PTPN5: variants seen among roughly 807,000 people sequenced by gnomAD.
The protein encoded by PTPN5 is protein tyrosine phosphatase non-receptor type 5.
Under a neutral mutation model 73.9 loss-of-function variants are expected in PTPN5, and 29 were observed. The ratio of observed to expected loss-of-function variants is 0.39; its 90% CI spans 0.29 to 0.54. The LOEUF (loss-of-function observed/expected upper bound fraction) is 0.54. Ranked by LOEUF, PTPN5 falls within the 20% of genes least tolerant of loss-of-function variation. The probability of loss-of-function intolerance (pLI) is 0.65; values close to 1 mark genes in which losing one functional copy is unlikely to be tolerated. For missense variants in PTPN5, 652 were observed against 751.4 expected (o/e 0.87, Z 1.55); for synonymous variants, 267 against 304.7 (o/e 0.88, Z 1.29).
rs768668571 is a variant in PTPN5 at position 18,744,054 on chromosome 11, G to T, written c.243C>A (p.Ser81=). The T allele has an allele frequency of 2.5e-6, 4 of 1,609,712 alleles. No homozygotes were observed. Among genetic ancestry groups the T allele is most frequent in the Non-Finnish European group, 3.4e-6 (4 of 1,178,102 alleles). The change falls in exon 4 of 15, where the codon TCC becomes TCA. Residue 81 remains serine (S), a synonymous_variant. Coordinates refer to ENST00000358540, the MANE Select transcript of PTPN5 (RefSeq NM_006906.2). The stretch of plus-strand genomic sequence containing the variant: ...GGCACAGGCTGCTCCTGACAGTGAG[G>T]GAGTGGCTCCCAGCGCCTCGAGGTG... The part of the protein sequence containing the change: ...KPPPRGAGSH[S]LTVRSSLCLF...
chr11:18,732,912 G>A (rs1848949838), intron 11 of PTPN5, among the ~76,000 whole-genome samples: 1 of 152,216 alleles, frequency 6.6e-6, no homozygotes, highest in South Asian at 2.1e-4. Context: ...CTACCCATCT[G>A]AAGGACTTTT....
At position 18,737,953 on chromosome 11, in the gene PTPN5, C is replaced by A; in HGVS notation, c.927G>T (p.Met309Ile). Residue 309 changes from methionine to isoleucine, a missense_variant, in exon 9 of 15, where the codon ATG (methionine) becomes ATT (isoleucine). Transcript: ENST00000358540. ...CGTACTCTTTCGGATCCACAAAGTTCATGGGGATTTCCTGTGGAAGGAGGA... is the reference window on the plus strand; with the variant it reads ...CGTACTCTTTCGGATCCACAAAGTTAATGGGGATTTCCTGTGGAAGGAGGA... ...LLQAEFFEIP[M>I]NFVDPKEYDI... 6.2e-7 allele frequency: 1 copy of A among 1,614,146 alleles called. No individual in the cohort carries two copies. The highest frequency in any genetic ancestry group is 8.5e-7 in the Non-Finnish European group (1 of 1,179,970).
At chr11:18,752,753 C>A (rs556494824) in intron 3 of PTPN5, among the ~76,000 whole-genome samples, 2 of 152,330 alleles carry the variant, frequency 1.3e-5, no homozygotes, top group Admixed American at 1.3e-4. Context: ...GGTGTTGCTT[C>A]CCCCAGCAGC....
chr11:18,781,784 CA>C lies in PTPN5; in HGVS notation c.-113-9714del, dbSNP rs532772665. Among the ~76,000 whole-genome samples the C allele has an allele frequency of 5.4e-3, 817 of 152,296 alleles. 8 individuals carry two copies. Among genetic ancestry groups the C allele is most frequent in the Non-Finnish European group, 9.6e-3 (650 of 68,038 alleles). On this transcript the variant is annotated intron_variant, in intron 1 of 14. Transcript: ENST00000358540. ...TAAGAGCCAGTCCCTGCCCTCCACCCAGCATTCGGCCTAGTGAGTTGAGTGA... is the reference window on the plus strand; with the variant it reads ...TAAGAGCCAGTCCCTGCCCTCCACCCGCATTCGGCCTAGTGAGTTGAGTGA...
rs777922301 is a variant in PTPN5 at position 18,742,355 on chromosome 11, A to G, written c.632T>C (p.Val211Ala). 11 of 1,614,106 alleles carry G rather than the reference A, an allele frequency of 6.8e-6. No individual in the cohort carries two copies. The South Asian group carries it at 1.2e-4, about 18-fold the overall frequency. Residue 211 changes from valine (V) to alanine (A), a missense_variant, in exon 7 of 15, where the codon GTG (valine) becomes GCG (alanine). This residue lies in a region of PTPN5 where 529 missense variants were observed against 573.9 expected (regional missense o/e 0.92). Coordinates refer to ENST00000358540, the MANE Select transcript of PTPN5 (RefSeq NM_006906.2). The surrounding 1 kb of genome is among the most constrained non-coding windows in gnomAD (Gnocchi z 4.1). Reference sequence around the variant, plus strand: ...ACAATCAAACACAGGAGTCTCGGGCACCGGGTCGAGGTCCAGGAAGTCATC... The same window carrying G: ...ACAATCAAACACAGGAGTCTCGGGCGCCGGGTCGAGGTCCAGGAAGTCATC... ...IEDDFLDLDP[V>A]PETPVFDCVM...
chr11:18,792,269 T>G (rs567251123), upstream of PTPN5: 2 of 151,994 alleles, frequency 1.3e-5, no homozygotes, highest in African/African-American at 2.4e-5. Context: ...GTCGGCTCAT[T>G]GGGGGCATGC....
intron 2 of PTPN5, among the ~76,000 whole-genome samples, chr11:18,771,400 A>G (rs1413660883): frequency 2.6e-5 from 4 of 151,820 alleles, no homozygotes; most frequent in African/African-American, 4.8e-5. Flanking sequence ...TCCACGGAGC[A>G]CTCCCTGATC....
chr11:18,774,611 C>T (rs1851058012), intron 1 of PTPN5, among the ~76,000 whole-genome samples: 1 of 152,358 alleles, frequency 6.6e-6, no homozygotes, highest in East Asian at 1.9e-4. Flanking sequence ...AGATTCTTTG[C>T]TGGCTTTGGC....
intron 1 of PTPN5, among the ~76,000 whole-genome samples, chr11:18,790,718 C>T (rs1176816089): frequency 6.6e-6 from 1 of 152,042 alleles, no homozygotes; most frequent in Non-Finnish European, 1.5e-5. Flanking sequence ...GGTTCTGGGG[C>T]TTCAATGTGG....
At chr11:18,778,409 T>C (rs1371794767) in intron 1 of PTPN5, among the ~76,000 whole-genome samples, 1 of 152,222 alleles carries the variant, frequency 6.6e-6, no homozygotes, top group Non-Finnish European at 1.5e-5. Flanking sequence ...TGTCCACTCT[T>C]GCAGCTCTCC....
chr11:18,744,246 A>C (rs1165096479), intron 3 of PTPN5, 47 bp from the exon 4 acceptor site: 1 of 1,427,370 alleles, frequency 7.0e-7, no homozygotes, highest in East Asian at 2.7e-5. Context: ...CCCTGTCCAC[A>C]GGCAGGGCTC....
intron 12 of PTPN5, 41 bp downstream of exon 12, chr11:18,732,551 C>T (rs1848928550): frequency 1.3e-6 from 2 of 1,496,586 alleles, no homozygotes; most frequent in African/African-American, 1.4e-5. Flanking sequence ...TAAGCCCCTA[C>T]ACTCATCCTC....
At chr11:18,773,573 C>T (rs1851010784) in intron 1 of PTPN5, among the ~76,000 whole-genome samples, 2 of 152,114 alleles carry the variant, frequency 1.3e-5, no homozygotes, top group African/African-American at 4.8e-5. Flanking sequence ...CTTGAAACAT[C>T]CCTGGCATGG....
chr11:18,739,030 G>A (rs1202517432), intron 8 of PTPN5, among the ~76,000 whole-genome samples: 1 of 150,428 alleles, frequency 6.6e-6, no homozygotes, highest in South Asian at 2.1e-4. Flanking sequence ...GACATCTTCC[G>A]GGATGACTCT....
rs1564895964 is a variant in PTPN5, at chr11:18,742,297, G to A, written c.690C>T (p.Thr230=). ...GACCCATGGACTTGACGGTGAGTGA[G>A]GTGGGGTCAGCCTCAGGCTTGATGT... ...VMDIKPEADP[T]SLTVKSMGLQ... Residue 230 remains threonine (T), a synonymous_variant, in exon 7 of 15, where the codon ACC becomes ACT. Coordinates refer to ENST00000358540, the MANE Select transcript of PTPN5 (RefSeq NM_006906.2). The surrounding 1 kb of genome is among the most constrained non-coding windows in gnomAD (Gnocchi z 4.1). 3 of 1,614,050 alleles carry A rather than the reference G, an allele frequency of 1.9e-6. No individual in the cohort carries two copies. The highest frequency in any genetic ancestry group is 2.5e-6 in the Non-Finnish European group (3 of 1,180,036).
chr11:18,778,762 T>A (rs1454925957), intron 1 of PTPN5, among the ~76,000 whole-genome samples: 2 of 152,192 alleles, frequency 1.3e-5, no homozygotes, highest in Admixed American at 6.5e-5. Flanking sequence ...CTTTTCTTTA[T>A]AAATTACTCA....
intron 1 of PTPN5, among the ~76,000 whole-genome samples, chr11:18,779,622 C>T (rs912561516): frequency 6.6e-6 from 1 of 152,126 alleles, no homozygotes; most frequent in Non-Finnish European, 1.5e-5. Context: ...CTCCCTGGTC[C>T]TGGGCCAAGG....
intron 1 of PTPN5, among the ~76,000 whole-genome samples, chr11:18,784,118 C>G (rs1431729180): frequency 6.6e-6 from 1 of 152,150 alleles, no homozygotes; most frequent in Non-Finnish European, 1.5e-5. Context: ...CTGCACCTCT[C>G]AAAAAGTGAA....
chr11:18,730,215 G>A (rs1037378220), intron 12 of PTPN5: 3 of 397,722 alleles, frequency 7.5e-6, no homozygotes, highest in Non-Finnish European at 1.3e-5. Flanking sequence ...CCTCGCCTGC[G>A]CCTGCGTGAC....
Sources: allele counts gnomAD v4.1 joint callset (sites outside exome capture counted in the v4.1 genomes callset), GRCh38; gene constraint gnomAD v4.1.1; regional missense constraint gnomAD v4.1.1; non-coding constraint Gnocchi (gnomAD v3.1); transcripts MANE v1.5; gene names NCBI Gene and HGNC (gene_info 2026-07-23, HGNC 2026-07-21).